LHFPL6: variants seen among roughly 807,000 people sequenced by gnomAD.
LHFPL6 encodes LHFPL tetraspan subfamily member 6.
Under a neutral mutation model 20.6 loss-of-function variants are expected in LHFPL6, and 9 were observed. That is an observed-to-expected ratio of 0.44 (90% CI 0.26 to 0.76). LHFPL6 has a LOEUF of 0.76. LHFPL6 is among the 30% of genes least tolerant of loss of function. LHFPL6 has a pLI of 0.20. For missense variants in LHFPL6, 218 were observed against 253.5 expected (o/e 0.86, Z 0.95); for synonymous variants, 105 against 98.7 (o/e 1.06, Z -0.38).
chr13:39,544,483 C>G (rs567790620), intron 2 of LHFPL6, among the ~76,000 whole-genome samples: 166 of 151,870 alleles, frequency 1.1e-3, no homozygotes, highest in Non-Finnish European at 1.5e-3. Context: ...AGAACTACCA[C>G]TTGTCTTCAC....
At chr13:39,510,869 TAA>T (rs200772133) in intron 2 of LHFPL6, among the ~76,000 whole-genome samples, 1 of 85,708 alleles carries the variant, frequency 1.2e-5, no homozygotes, top group African/African-American at 5.5e-5. Context: ...ATCATTACTT[TAA>T]ATTTTTTTTT....
intron 2 of LHFPL6, among the ~76,000 whole-genome samples, chr13:39,572,771 C>A (rs1871974665): frequency 6.6e-6 from 1 of 152,108 alleles, no homozygotes; most frequent in East Asian, 1.9e-4. Context: ...AGTTTGCATA[C>A]CCAAGCCATC....
intron 2 of LHFPL6, among the ~76,000 whole-genome samples, chr13:39,544,607 A>ATTGC (rs1566137649): frequency 7.9e-5 from 12 of 152,278 alleles, no homozygotes; most frequent in African/African-American, 2.9e-4. Flanking sequence ...ATGCAACTTA[A>ATTGC]ATGAACAGAA....
At chr13:39,601,717 C>T (rs368038995) in intron 1 of LHFPL6, among the ~76,000 whole-genome samples, 1 of 152,160 alleles carries the variant, frequency 6.6e-6, no homozygotes, top group African/African-American at 2.4e-5. Flanking sequence ...AGCACTTTCA[C>T]TGGGCAATAA....
intron 3 of LHFPL6, among the ~76,000 whole-genome samples, chr13:39,344,317 G>A (rs1593278524): frequency 6.6e-6 from 1 of 152,098 alleles, no homozygotes. Flanking sequence ...CCACACCCTG[G>A]CCAAAAATAG....
intron 2 of LHFPL6, among the ~76,000 whole-genome samples, chr13:39,590,985 ACT>A (rs1286237015): frequency 6.6e-6 from 1 of 152,152 alleles, no homozygotes; most frequent in Non-Finnish European, 1.5e-5. Context: ...TCTTAGAAAG[ACT>A]CTACTCTGCC....
At chr13:39,413,964 G>A (rs755538916) in intron 2 of LHFPL6, among the ~76,000 whole-genome samples, 3 of 152,086 alleles carry the variant, frequency 2.0e-5, no homozygotes, top group South Asian at 2.1e-4. Context: ...TTATGTTTAC[G>A]AGACTCATCC....
chr13:39,537,217 T>C (rs547264155), intron 2 of LHFPL6, among the ~76,000 whole-genome samples: 1 of 152,360 alleles, frequency 6.6e-6, no homozygotes, highest in African/African-American at 2.4e-5. Flanking sequence ...GTTGGGCTAC[T>C]GGCAGCTCTA....
intron 2 of LHFPL6, among the ~76,000 whole-genome samples, chr13:39,491,738 C>T (rs1868933738): frequency 6.6e-6 from 1 of 152,192 alleles, no homozygotes; most frequent in South Asian, 2.1e-4. Flanking sequence ...CCACCAGCCA[C>T]ATGCAGCTAC....
intron 2 of LHFPL6, among the ~76,000 whole-genome samples, chr13:39,441,382 TA>T (rs1187740211): frequency 6.6e-6 from 1 of 152,064 alleles, no homozygotes; most frequent in African/African-American, 2.4e-5. Flanking sequence ...CATAGGGATT[TA>T]AAATATGGCT....
At chr13:39,490,104 A>G (rs1868869483) in intron 2 of LHFPL6, among the ~76,000 whole-genome samples, 1 of 152,200 alleles carries the variant, frequency 6.6e-6, no homozygotes, top group African/African-American at 2.4e-5. Context: ...ACAAAAAAAA[A>G]AACAGGAAAC....
intron 2 of LHFPL6, among the ~76,000 whole-genome samples, chr13:39,441,759 T>G (rs1872140808): frequency 6.6e-6 from 1 of 151,792 alleles, no homozygotes; most frequent in Non-Finnish European, 1.5e-5. Context: ...GCAATCTGCC[T>G]GATTCAGCTT....
At chr13:39,535,001 C>T (rs1314366927) in intron 2 of LHFPL6, among the ~76,000 whole-genome samples, 1 of 152,166 alleles carries the variant, frequency 6.6e-6, no homozygotes, top group Non-Finnish European at 1.5e-5. Context: ...TCAGCCAAGC[C>T]TCTAGAGGAT....
At position 39,496,188 on chromosome 13, in the gene LHFPL6, C is replaced by T. The variant is rs536640972; in HGVS notation, c.385+104644G>A. Among the ~76,000 whole-genome samples, 4 of 152,218 alleles carry T rather than the reference C, an allele frequency of 2.6e-5. No individual in the cohort carries two copies. In the East Asian group the frequency reaches 7.7e-4, roughly 29 times the overall value. ...TTATAAACAACAGAAATTTATTTAG[C>T]ACAATTCCAGAGCCTGGGAAGTCCA... On this transcript the variant is annotated intron_variant, in intron 2 of 3. Coordinates refer to ENST00000379589, the MANE Select transcript of LHFPL6 (RefSeq NM_005780.3).
chr13:39,498,624 C>T (rs1383351807), intron 2 of LHFPL6, among the ~76,000 whole-genome samples: 4 of 152,160 alleles, frequency 2.6e-5, no homozygotes, highest in Non-Finnish European at 5.9e-5. Context: ...GCTCTCAAAG[C>T]GTAAAGCTAC....
intron 2 of LHFPL6, among the ~76,000 whole-genome samples, chr13:39,560,586 C>A (rs892942761): frequency 2.8e-4 from 41 of 148,312 alleles, no homozygotes; most frequent in African/African-American, 1.0e-3. Context: ...GCGATCTCGG[C>A]TCACTGCAAG....
At chr13:39,493,408 G>A (rs73464807) in intron 2 of LHFPL6, among the ~76,000 whole-genome samples, 3,905 of 151,894 alleles carry the variant, frequency 0.026, 157 homozygotes, top group African/African-American at 0.089. Flanking sequence ...ACTGCTAAAA[G>A]GCTTTAACAT....
At chr13:39,524,935 A>C (rs1299683418) in intron 2 of LHFPL6, among the ~76,000 whole-genome samples, 1 of 152,234 alleles carries the variant, frequency 6.6e-6, no homozygotes, top group Non-Finnish European at 1.5e-5. Context: ...AAAGGAAATA[A>C]AACTTACTGA....
rs969875738 is a variant in LHFPL6, at chr13:39,353,277, C to T, written c.485-9223G>A. 4.0e-5 allele frequency among the ~76,000 whole-genome samples: 6 copies of T among 151,742 alleles called. No homozygotes were observed. The East Asian group carries it at 7.9e-4, about 20-fold the overall frequency. On this transcript the variant is annotated intron_variant, in intron 3 of 3. Coordinates refer to ENST00000379589, the MANE Select transcript of LHFPL6 (RefSeq NM_005780.3). ...CTGAGATTACAGGCGTAAGCCACCACGCCTGATCCTAAATAAAACTTTTAA... is the reference window on the plus strand; with the variant it reads ...CTGAGATTACAGGCGTAAGCCACCATGCCTGATCCTAAATAAAACTTTTAA...
Sources: gnomAD v4.1 joint callset for allele counts (sites outside exome capture counted in the v4.1 genomes callset) on GRCh38, gnomAD v4.1.1 for gene constraint, MANE v1.5 for transcripts, NCBI Gene and HGNC (gene_info 2026-07-23, HGNC 2026-07-21) for gene names.